IGSF21: variants seen among roughly 807,000 people sequenced by gnomAD.
IGSF21 encodes the protein immunoglobin superfamily member 21, also known as immunoglobulin superfamily member 21.
A neutral mutation model predicts 46.8 loss-of-function variants in IGSF21; 28 were observed. The ratio of observed to expected loss-of-function variants is 0.60; its 90% CI spans 0.44 to 0.82. IGSF21 has a LOEUF of 0.82. Ranked by LOEUF, IGSF21 falls within the 40% of genes least tolerant of loss-of-function variation. The pLI, the probability that IGSF21 is intolerant of heterozygous loss-of-function variation, is 0.00. For synonymous variants in IGSF21, 284 were observed against 273.6 expected, an observed-to-expected ratio of 1.04 and a Z score of -0.38; for missense variants, 624 against 665.5, an observed-to-expected ratio of 0.94 and a Z score of 0.69.
intron 2 of IGSF21, among the ~76,000 whole-genome samples, chr1:18,262,397 G>A (rs2084954728): frequency 6.6e-6 from 1 of 152,194 alleles, no homozygotes; most frequent in Non-Finnish European, 1.5e-5. Context: ...AGCTCAGAGG[G>A]TCCGGCTTTG....
chr1:18,261,489 T>G (rs571168022), intron 2 of IGSF21, among the ~76,000 whole-genome samples: 10 of 152,352 alleles, frequency 6.6e-5, no homozygotes, highest in Admixed American at 2.6e-4. Flanking sequence ...TCCGTGGCAA[T>G]GACCTGATGA....
At chr1:18,259,029 A>T (rs144744741) in intron 2 of IGSF21, among the ~76,000 whole-genome samples, 45 of 152,338 alleles carry the variant, frequency 3.0e-4, no homozygotes, top group African/African-American at 1.1e-3. Context: ...GAAAGCAGGC[A>T]AAACACAAAT....
rs193253074 is a variant in IGSF21, at chr1:18,237,071, G to T, written c.183+9061G>T. Among the ~76,000 whole-genome samples, 14 of 152,254 alleles carry T rather than the reference G, an allele frequency of 9.2e-5. No individual in the cohort carries two copies. In the East Asian group the frequency reaches 2.7e-3, roughly 29 times the overall value. ...GCTTCTATTGAATCCACTCCTATTT[G>T]CATGTCATTCATAAAATTACAAGCC... is the stretch of plus-strand genomic sequence containing the variant. On this transcript the variant is annotated intron_variant, in intron 2 of 9. Coordinates refer to ENST00000251296, the MANE Select transcript of IGSF21 (RefSeq NM_032880.5).
At chr1:18,368,955 C>T (rs1431995813) in intron 6 of IGSF21, among the ~76,000 whole-genome samples, 4 of 152,232 alleles carry the variant, frequency 2.6e-5, no homozygotes, top group African/African-American at 9.7e-5. Context: ...CCCCAAACCA[C>T]ATTAAAGCAC....
intron 3 of IGSF21, among the ~76,000 whole-genome samples, chr1:18,292,538 T>G (rs1039308685): frequency 6.6e-6 from 1 of 152,190 alleles, no homozygotes; most frequent in East Asian, 1.9e-4. Context: ...CCATCCCTGT[T>G]TTCCAGGAGG....
chr1:18,328,103 A>G (rs911222656), intron 3 of IGSF21, among the ~76,000 whole-genome samples: 1 of 152,204 alleles, frequency 6.6e-6, no homozygotes, highest in African/African-American at 2.4e-5. Context: ...GATTCCAGAG[A>G]AAAGGTGTCT....
intron 1 of IGSF21, among the ~76,000 whole-genome samples, chr1:18,159,381 C>T (rs2086596112): frequency 6.6e-6 from 1 of 152,214 alleles, no homozygotes; most frequent in Admixed American, 6.5e-5. Context: ...CTCGGATTCA[C>T]CTGCTGATAT....
At chr1:18,152,804 G>A (rs573299814) in intron 1 of IGSF21, among the ~76,000 whole-genome samples, 3 of 152,140 alleles carry the variant, frequency 2.0e-5, no homozygotes, top group Non-Finnish European at 2.9e-5. Context: ...ACAAGATGCC[G>A]CTTCTTCACG....
intron 6 of IGSF21, among the ~76,000 whole-genome samples, chr1:18,374,477 C>T (rs899773346): frequency 2.6e-5 from 4 of 152,086 alleles, no homozygotes; most frequent in African/African-American, 9.7e-5. Flanking sequence ...CATCCAAGGG[C>T]GCAAAGAACA....
chr1:18,314,298 T>TTA (rs1553162862), intron 3 of IGSF21, among the ~76,000 whole-genome samples: 50,420 of 150,798 alleles, frequency 0.33, 10,985 homozygotes, highest in Non-Finnish European at 0.48. Flanking sequence ...TTTTTTTTTT[T>TTA]AAACAAAGAA....
chr1:18,204,506 A>G (rs1261149127), intron 1 of IGSF21, among the ~76,000 whole-genome samples: 2 of 152,134 alleles, frequency 1.3e-5, no homozygotes, highest in African/African-American at 4.8e-5. Flanking sequence ...TTATTTGGCC[A>G]CCAGTTCACC....
At chr1:18,305,604 A>G (rs11260976) in intron 3 of IGSF21, among the ~76,000 whole-genome samples, 79,388 of 143,754 alleles carry the variant, frequency 0.55, 23,380 homozygotes, top group East Asian at 0.82. Context: ...GATGATGGAT[A>G]GATGGATGGA....
At chr1:18,120,058 C>T (rs1366856840) in intron 1 of IGSF21, among the ~76,000 whole-genome samples, 1 of 152,216 alleles carries the variant, frequency 6.6e-6, no homozygotes, top group Admixed American at 6.5e-5. Context: ...ATCCGGGGAA[C>T]AAGTTACTTC....
intron 3 of IGSF21, among the ~76,000 whole-genome samples, chr1:18,324,740 T>C (rs77633): frequency 0.47 from 72,109 of 151,954 alleles, 17,414 homozygotes; most frequent in East Asian, 0.59. Flanking sequence ...CCTGCTTTTC[T>C]GCTTGGTGCT....
At chr1:18,323,221 C>G (rs223223) in intron 3 of IGSF21, among the ~76,000 whole-genome samples, 58,110 of 152,056 alleles carry the variant, frequency 0.38, 11,709 homozygotes, top group South Asian at 0.53. Flanking sequence ...TCATGACTGG[C>G]AGGTCTGGGG....
intron 1 of IGSF21, among the ~76,000 whole-genome samples, chr1:18,118,597 T>TG (rs2086207739): frequency 6.6e-6 from 1 of 152,106 alleles, no homozygotes; most frequent in African/African-American, 2.4e-5. Flanking sequence ...AGGAGTGAGG[T>TG]GGGGGGCGGC....
At chr1:18,139,551 G>T (rs75698402) in intron 1 of IGSF21, among the ~76,000 whole-genome samples, 1 of 152,084 alleles carries the variant, frequency 6.6e-6, no homozygotes, top group Non-Finnish European at 1.5e-5. Flanking sequence ...CAGTGCTGTC[G>T]TCAGGTCAGG....
intron 1 of IGSF21, among the ~76,000 whole-genome samples, chr1:18,143,165 T>G (rs1161059395): frequency 1.3e-5 from 2 of 152,210 alleles, no homozygotes; most frequent in East Asian, 3.9e-4. Flanking sequence ...ACCCTGGGCC[T>G]GCGTCCTTGA....
chr1:18,138,910 A>G (rs1418084450), intron 1 of IGSF21, among the ~76,000 whole-genome samples: 1 of 152,192 alleles, frequency 6.6e-6, no homozygotes, highest in African/African-American at 2.4e-5. Flanking sequence ...GAGAGCCACA[A>G]AGAGAGTCTG....
Sources: allele counts gnomAD v4.1 joint callset (sites outside exome capture counted in the v4.1 genomes callset), GRCh38; gene constraint gnomAD v4.1.1; transcripts MANE v1.5; gene names NCBI Gene and HGNC (gene_info 2026-07-23, HGNC 2026-07-21).